Variants in SBNO1 observed in about 807,000 individuals in gnomAD.
SBNO1 encodes strawberry notch homolog 1.
Under a neutral mutation model 173.6 loss-of-function variants are expected in SBNO1, and 23 were observed. The observed-to-expected ratio is 0.13, with a 90% CI of 0.10 to 0.19. SBNO1 has a LOEUF of 0.19. SBNO1 is among the 10% of genes least tolerant of loss of function. SBNO1 has a pLI of 1.00. For missense variants in SBNO1, 1,238 were observed against 1,671.2 expected (o/e 0.74, Z 4.52); for synonymous variants, 632 against 571.5 (o/e 1.11, Z -1.51).
chr12:123,354,440 C>A (rs748879736), intron 1 of SBNO1, among the ~76,000 whole-genome samples: 7 of 152,148 alleles, frequency 4.6e-5, no homozygotes, highest in Non-Finnish European at 8.8e-5. Context: ...GGGATCATTT[C>A]TCAGCCAAAC....
At chr12:123,337,286 GAA>G (rs1255931420) in intron 5 of SBNO1, among the ~76,000 whole-genome samples, 1 of 152,124 alleles carries the variant, frequency 6.6e-6, no homozygotes, top group Non-Finnish European at 1.5e-5. Context: ...GATCTTAAAG[GAA>G]TAAAGGAAGA....
intron 8 of SBNO1, 90 bp downstream of exon 8, chr12:123,331,152 C>T (rs575736682): frequency 1.1e-5 from 15 of 1,307,952 alleles, no homozygotes; most frequent in East Asian, 7.2e-5. Flanking sequence ...TTAGTAGAGA[C>T]GGAGTTTCAC....
intron 17 of SBNO1, 26 bp from the exon 18 acceptor site, chr12:123,320,892 C>CA: frequency 6.7e-7 from 1 of 1,486,044 alleles, no homozygotes; most frequent in Non-Finnish European, 9.1e-7. Flanking sequence ...AGATACATGT[C>CA]AAATCATTTG....
chr12:123,307,809 T>C (rs779252497), intron 28 of SBNO1, among the ~76,000 whole-genome samples: 1 of 152,054 alleles, frequency 6.6e-6, no homozygotes, highest in Non-Finnish European at 1.5e-5. Context: ...CGGTGGCTCA[T>C]GCCTGTAATC....
intron 1 of SBNO1, among the ~76,000 whole-genome samples, chr12:123,358,886 C>T (rs2139102878): frequency 6.6e-6 from 1 of 152,084 alleles, no homozygotes; most frequent in South Asian, 2.1e-4. Flanking sequence ...ACTTTTCAAA[C>T]TACTGATGAC....
intron 21 of SBNO1, among the ~76,000 whole-genome samples, chr12:123,316,018 T>C (rs1266477826): frequency 1.3e-5 from 2 of 152,170 alleles, no homozygotes; most frequent in East Asian, 3.8e-4. Flanking sequence ...TTCTCTGATA[T>C]GGACCTAATA....
In SBNO1 at chr12:123,334,145, CAGG is replaced by C; in HGVS notation, c.814_816del (p.Pro272del). On this transcript the variant is annotated inframe_deletion, in exon 7 of 32. Coordinates refer to ENST00000602398, the MANE Select transcript of SBNO1 (RefSeq NM_001167856.3). ...GAAATGGATGTTTTGTACCAAACAT[CAGG>C]AGGAGTAACACTGGATAAAGAGCTG... The C allele has an allele frequency of 1.2e-6, 2 of 1,606,822 alleles. No homozygotes were observed. Among genetic ancestry groups the C allele is most frequent in the Non-Finnish European group, 1.7e-6 (2 of 1,177,090 alleles).
chr12:123,338,996 T>TA (rs1388742683), intron 5 of SBNO1, among the ~76,000 whole-genome samples: 3 of 147,470 alleles, frequency 2.0e-5, no homozygotes, highest in East Asian at 2.0e-4. Context: ...GCTAAGCCAA[T>TA]AAAAAACTTT....
chr12:123,354,722 A>G (rs993417307), intron 1 of SBNO1, among the ~76,000 whole-genome samples: 4 of 152,196 alleles, frequency 2.6e-5, no homozygotes, highest in African/African-American at 9.7e-5. Flanking sequence ...ACAAAGCACC[A>G]TATAAATGCT....
At chr12:123,340,405 A>T (rs1872391258) in intron 5 of SBNO1, among the ~76,000 whole-genome samples, 1 of 151,762 alleles carries the variant, frequency 6.6e-6, no homozygotes. Flanking sequence ...ACATGGTGAA[A>T]CCCCATTTCT....
intron 28 of SBNO1, among the ~76,000 whole-genome samples, chr12:123,307,072 C>G (rs1191705329): frequency 6.7e-6 from 1 of 149,086 alleles, no homozygotes; most frequent in African/African-American, 2.5e-5. Context: ...ACCTGTGGTC[C>G]CAGCTACTTA....
intron 9 of SBNO1, among the ~76,000 whole-genome samples, chr12:123,329,543 A>G (rs996998330): frequency 1.3e-5 from 2 of 152,252 alleles, no homozygotes; most frequent in Middle Eastern, 3.4e-3. Context: ...TTTCTGATAC[A>G]TAAGAATTAT....
intron 24 of SBNO1, among the ~76,000 whole-genome samples, chr12:123,311,748 A>ATATATATATTTTTTTT (rs1255479099): frequency 7.4e-6 from 1 of 134,372 alleles, no homozygotes; most frequent in African/African-American, 2.9e-5. Flanking sequence ...ATATATATAT[A>ATATATATATTTTTTTT]TTTTTGCGAC....
intron 1 of SBNO1, among the ~76,000 whole-genome samples, chr12:123,355,433 G>A (rs1448313317): frequency 6.6e-6 from 1 of 152,016 alleles, no homozygotes. Flanking sequence ...TGGTGAAACC[G>A]TCTCCTCTAA....
In SBNO1 at chr12:123,290,508, C is replaced by T. The variant is rs1212609403; in HGVS notation, c.*5400G>A. ...ATGAACCATCCGGGTCTTCCCAACT[C>T]GAATTATTAAAAACGCCTCGATCCC... is the stretch of plus-strand genomic sequence containing the variant. On this transcript the variant is annotated 3_prime_UTR_variant, in exon 32 of 32. Transcript: ENST00000602398. 5 of 152,116 alleles carry T rather than the reference C, an allele frequency of 3.3e-5. No homozygotes were observed. Among genetic ancestry groups the T allele is most frequent in the Non-Finnish European group, 7.3e-5 (5 of 68,042 alleles). 9.4% of individuals were successfully genotyped at this position (152,116 alleles called of 1,614,324 possible).
intron 1 of SBNO1, among the ~76,000 whole-genome samples, chr12:123,351,884 C>T (rs970949602): frequency 3.3e-5 from 5 of 152,104 alleles, no homozygotes; most frequent in African/African-American, 9.6e-5. Context: ...AAAGTATGAG[C>T]TGATGAATGG....
intron 28 of SBNO1, among the ~76,000 whole-genome samples, chr12:123,307,625 T>C (rs1402448375): frequency 6.6e-6 from 1 of 152,076 alleles, no homozygotes; most frequent in Non-Finnish European, 1.5e-5. Context: ...TTACTCAGCC[T>C]TGTAAAAAAG....
chr12:123,354,731 C>T (rs535009694), intron 1 of SBNO1, among the ~76,000 whole-genome samples: 1 of 152,202 alleles, frequency 6.6e-6, no homozygotes, highest in South Asian at 2.1e-4. Flanking sequence ...CATATAAATG[C>T]TAAATACTGT....
chr12:123,356,776 T>C (rs1328140897), intron 1 of SBNO1, among the ~76,000 whole-genome samples: 4 of 152,242 alleles, frequency 2.6e-5, no homozygotes, highest in Non-Finnish European at 5.9e-5. Context: ...AGTCCCTTTT[T>C]ATCTTAAAGT....
Sources: gnomAD v4.1 joint callset for allele counts (sites outside exome capture counted in the v4.1 genomes callset) on GRCh38, gnomAD v4.1.1 for gene constraint, MANE v1.5 for transcripts, NCBI Gene and HGNC (gene_info 2026-07-23, HGNC 2026-07-21) for gene names.